DST: variants seen among roughly 807,000 people sequenced by gnomAD.
DST encodes the protein dystonin.
A neutral mutation model predicts 875.2 loss-of-function variants in DST; 253 were observed. The ratio of observed to expected loss-of-function variants is 0.29; its 90% CI spans 0.26 to 0.32. The LOEUF (loss-of-function observed/expected upper bound fraction) is 0.32. DST is among the 10% of genes least tolerant of loss of function. The pLI is 1.00. For missense variants in DST, 8,287 were observed against 9,111.6 expected (o/e 0.91, Z 3.68); for synonymous variants, 3,124 against 3,197.1 (o/e 0.98, Z 0.77).
chr6:56,641,559 G>A (rs2098902617), intron 17 of DST, among the ~76,000 whole-genome samples: 1 of 152,158 alleles, frequency 6.6e-6, no homozygotes, highest in African/African-American at 2.4e-5. Context: ...CTGCACTCCA[G>A]CCTGGGTGAG....
Position 56,730,432 on chromosome 6 carries a change from T to C in DST, c.687+4796A>G, listed in dbSNP as rs79874100. On this transcript the variant is annotated intron_variant, in intron 5 of 103. Coordinates refer to ENST00000680361, the MANE Select transcript of DST (RefSeq NM_001374736.1). ...CTTAACTCATAGGTGCCATTTCTCA[T>C]ATTGTTGTCCTATGAATTTCTAGAC... Among the ~76,000 whole-genome samples the C allele has an allele frequency of 6.5e-3, 985 of 152,244 alleles. 12 individuals are homozygous for C. The highest frequency in any genetic ancestry group is 0.023 in the African/African-American group (955 of 41,550).
chr6:56,915,058 A>C (rs1230852965), intron 2 of DST, among the ~76,000 whole-genome samples: 1 of 152,134 alleles, frequency 6.6e-6, no homozygotes, highest in Non-Finnish European at 1.5e-5. Context: ...AGACTCTATA[A>C]ATAGCTGTGC....
intron 44 of DST, 146 bp downstream of exon 44, chr6:56,601,297 T>C (rs2098443626): frequency 6.8e-6 from 4 of 585,892 alleles, no homozygotes; most frequent in Non-Finnish European, 6.0e-6. Flanking sequence ...AATATTGTTA[T>C]ACACTGTAGG....
At chr6:56,619,103 C>G in intron 36 of DST, 1 of 1,613,104 alleles carries the variant, frequency 6.2e-7, no homozygotes, top group Non-Finnish European at 8.5e-7. Flanking sequence ...TTTAATTTTT[C>G]TTTGAAAATC....
chr6:56,888,492 T>C lies in DST; in HGVS notation c.417+11929A>G, dbSNP rs1785725868. 3.3e-5 allele frequency among the ~76,000 whole-genome samples: 5 copies of C among 152,192 alleles called. No individual in the cohort carries two copies. In the South Asian group the frequency reaches 1.0e-3, roughly 32 times the overall value. On this transcript the variant is annotated intron_variant, in intron 3 of 103. Coordinates refer to ENST00000680361, the MANE Select transcript of DST (RefSeq NM_001374736.1). Reference sequence around the variant, plus strand: ...TTAATTAGCCAAAGTAAGGTATGAGTTGTACAGTTATGCCTTCCACAAAAG... The same window carrying C: ...TTAATTAGCCAAAGTAAGGTATGAGCTGTACAGTTATGCCTTCCACAAAAG...
At position 56,607,810 on chromosome 6, in the gene DST, G is replaced by C; in HGVS notation, c.6818C>G (p.Thr2273Arg). Residue 2273 changes from threonine (T) to arginine (R), a missense_variant, in exon 40 of 104, where the codon ACA becomes AGA. By Grantham distance (71) the Thr-to-Arg change is moderately conservative. This residue lies in a region of DST where 3,138 missense variants were observed against 3,116.6 expected (regional missense o/e 1.01). Transcript: ENST00000680361. ...NASGREKDEC[T>R]ATPSSFNKCH... The stretch of plus-strand genomic sequence containing the variant: ...TTTATTGAAACTACTTGGTGTAGCT[G>C]TACATTCATCCTTTTCTCTACCTGA... The C allele has an allele frequency of 6.2e-7, 1 of 1,613,390 alleles. No homozygotes were observed. The highest frequency in any genetic ancestry group is 8.5e-7 in the Non-Finnish European group (1 of 1,179,662).
intron 103 of DST, 63 bp downstream of exon 103, chr6:56,460,068 G>T: frequency 6.5e-7 from 1 of 1,529,702 alleles, no homozygotes; most frequent in Non-Finnish European, 8.8e-7. Flanking sequence ...GAGGAAAAGG[G>T]ACTTTAATCC....
chr6:56,655,383 C>G (rs1426274638), intron 10 of DST, among the ~76,000 whole-genome samples: 1 of 152,044 alleles, frequency 6.6e-6, no homozygotes, highest in African/African-American at 2.4e-5. Flanking sequence ...GCAGACACAA[C>G]ATTACCAAAT....
In DST at chr6:56,463,578, G is replaced by T; in HGVS notation, c.22946C>A (p.Thr7649Asn). ...CCTGAGTCTTACCTTGGGTGTGGTGGTGGCAGGGACCTGTGGGGAGGCCGC... is the reference window on the plus strand; with the variant it reads ...CCTGAGTCTTACCTTGGGTGTGGTGTTGGCAGGGACCTGTGGGGAGGCCGC... ...AQAASPQVPA[T>N]TTPKILHPLT... is the part of the protein sequence containing the mutation. The change falls in exon 101 of 104, where the codon ACC becomes AAC. Residue 7649 changes from threonine to asparagine, a missense_variant. Physicochemically the swap from Thr to Asn is moderately conservative, Grantham distance 65 (BLOSUM62 0). Transcript: ENST00000680361. The T allele has an allele frequency of 6.3e-7, 1 of 1,589,192 alleles. No individual in the cohort carries two copies. Among genetic ancestry groups the T allele is most frequent in the South Asian group, 1.1e-5 (1 of 87,626 alleles).
chr6:56,638,649 T>C (rs2098847631), intron 22 of DST, among the ~76,000 whole-genome samples: 1 of 152,196 alleles, frequency 6.6e-6, no homozygotes, highest in African/African-American at 2.4e-5. Context: ...TTGTCCCAAC[T>C]GCATAGGCAA....
chr6:56,626,490 G>A (rs2098736203), intron 34 of DST, among the ~76,000 whole-genome samples: 1 of 151,830 alleles, frequency 6.6e-6, no homozygotes, highest in South Asian at 2.1e-4. Flanking sequence ...GCAAGAGGCT[G>A]TACCATATGC....
In DST at chr6:56,558,501, C is replaced by T. The variant is rs1318117522; in HGVS notation, c.14441-983G>A. ...ATTTCTAAATAATTCCCAGATGATGCTGTTGCTGCTGATCCCAGGAGCACA... is the reference window on the plus strand; with the variant it reads ...ATTTCTAAATAATTCCCAGATGATGTTGTTGCTGCTGATCCCAGGAGCACA... On this transcript the variant is annotated intron_variant, in intron 58 of 103. Transcript: ENST00000680361. Among the ~76,000 whole-genome samples the T allele has an allele frequency of 2.0e-5, 3 of 152,082 alleles. No individual in the cohort carries two copies. The East Asian group carries it at 5.8e-4, about 29-fold the overall frequency.
chr6:56,871,529 C>A lies in DST; in HGVS notation c.418-19925G>T. The A allele has an allele frequency of 2.3e-6, 3 of 1,305,432 alleles. No homozygotes were observed. The South Asian group carries it at 3.5e-5, about 15-fold the overall frequency. 80.9% of individuals were successfully genotyped at this position (1,305,432 alleles called of 1,614,324 possible). On this transcript the variant is annotated intron_variant, in intron 3 of 103. Transcript: ENST00000680361. ...AGGGCTTAGAGGTAGATTCTCTGGTCATTGAGCATATCCAAATAAACAAAG... is the reference window on the plus strand; with the variant it reads ...AGGGCTTAGAGGTAGATTCTCTGGTAATTGAGCATATCCAAATAAACAAAG...
intron 78 of DST, among the ~76,000 whole-genome samples, chr6:56,503,398 T>G (rs1201642739): frequency 6.6e-6 from 1 of 151,950 alleles, no homozygotes; most frequent in Admixed American, 6.6e-5. Flanking sequence ...ATGTAACCCA[T>G]AGATATATAC....
At chr6:56,779,483 G>C (rs966246459) in intron 4 of DST, among the ~76,000 whole-genome samples, 2 of 152,070 alleles carry the variant, frequency 1.3e-5, no homozygotes, top group African/African-American at 4.8e-5. Context: ...GAATGGTATT[G>C]TCTAGGTTTT....
chr6:56,935,328 CTAGAT>C (rs1812459287), intron 2 of DST, among the ~76,000 whole-genome samples: 2 of 152,384 alleles, frequency 1.3e-5, no homozygotes, highest in African/African-American at 4.8e-5. Context: ...CAGTCACACT[CTAGAT>C]CAGTCTGAAA....
chr6:56,576,540 C>T (rs909503951), intron 50 of DST, among the ~76,000 whole-genome samples: 3 of 152,100 alleles, frequency 2.0e-5, no homozygotes, highest in African/African-American at 7.2e-5. Context: ...AATTATAGGA[C>T]ATCCAGCTGG....
At chr6:56,712,061 A>C (rs989745704) in intron 5 of DST, among the ~76,000 whole-genome samples, 2 of 141,588 alleles carry the variant, frequency 1.4e-5, no homozygotes, top group Non-Finnish European at 3.2e-5. Flanking sequence ...ACTGCACTCC[A>C]GCCTGGGCGA....
chr6:56,769,878 ATTACT>A (rs1224820865), intron 4 of DST, among the ~76,000 whole-genome samples: 2 of 152,196 alleles, frequency 1.3e-5, no homozygotes, highest in African/African-American at 4.8e-5. Context: ...TTATTCTCTT[ATTACT>A]TTATTATCCA....
Sources: allele counts gnomAD v4.1 joint callset (sites outside exome capture counted in the v4.1 genomes callset), GRCh38; gene constraint gnomAD v4.1.1; regional missense constraint gnomAD v4.1.1; transcripts MANE v1.5; gene names NCBI Gene and HGNC (gene_info 2026-07-23, HGNC 2026-07-21).